The following TBC1D5 variants were observed in gnomAD, a reference collection of about 807,000 sequenced individuals.
TBC1D5 encodes the protein TBC1 domain family member 5, also known as TBC1 domain family, member 5.
In TBC1D5, 75 loss-of-function variants were observed where a neutral mutation model predicts 100.3. The observed-to-expected ratio is 0.75, with a 90% CI of 0.62 to 0.91. The LOEUF is 0.91. TBC1D5 is among the 40% of genes least tolerant of loss of function. The pLI, the probability that TBC1D5 is intolerant of heterozygous loss-of-function variation, is 0.00. For synonymous variants in TBC1D5, 323 were observed against 325.6 expected, an observed-to-expected ratio of 0.99 and a Z score of 0.09; for missense variants, 910 against 942.4, an observed-to-expected ratio of 0.97 and a Z score of 0.45.
chr3:17,447,157 T>G (rs919408528), intron 3 of TBC1D5, among the ~76,000 whole-genome samples: 1 of 152,124 alleles, frequency 6.6e-6, no homozygotes, highest in Non-Finnish European at 1.5e-5. Context: ...CAAAAGATAT[T>G]CATTCAAGTA....
chr3:17,418,478 C>T (rs2149229005), intron 4 of TBC1D5, among the ~76,000 whole-genome samples: 1 of 152,052 alleles, frequency 6.6e-6, no homozygotes, highest in East Asian at 1.9e-4. Flanking sequence ...CACAGTGGTG[C>T]ACACCTGTAA....
exon 20 of TBC1D5, chr3:17,167,822 A>C: frequency 6.3e-7 from 1 of 1,596,624 alleles, no homozygotes; most frequent in Non-Finnish European, 8.6e-7. Context: ...CACATCTTGA[A>C]TATTTACTGA....
chr3:17,428,415 A>G (rs577827355), intron 4 of TBC1D5, 35 bp downstream of exon 4: 106 of 372,640 alleles, frequency 2.8e-4, no homozygotes, highest in Non-Finnish European at 2.2e-4. Context: ...GTGTGTGTAT[A>G]TATATATATA....
At chr3:17,695,982 C>G (rs908856230) in intron 1 of TBC1D5, among the ~76,000 whole-genome samples, 2 of 152,160 alleles carry the variant, frequency 1.3e-5, no homozygotes, top group Non-Finnish European at 2.9e-5. Context: ...AAATGAACAA[C>G]TTATTCCTGA....
At chr3:17,654,199 T>G (rs960200519) in intron 1 of TBC1D5, among the ~76,000 whole-genome samples, 2 of 152,192 alleles carry the variant, frequency 1.3e-5, no homozygotes, top group Non-Finnish European at 1.5e-5. Context: ...AAATTTACTA[T>G]TAAAATGAGA....
At chr3:17,712,132 C>A (rs2074800276) in intron 1 of TBC1D5, among the ~76,000 whole-genome samples, 1 of 152,060 alleles carries the variant, frequency 6.6e-6, no homozygotes, top group African/African-American at 2.4e-5. Context: ...GAAACTGTCT[C>A]CTTACTCCCT....
intron 2 of TBC1D5, among the ~76,000 whole-genome samples, chr3:17,570,489 T>C (rs1315413116): frequency 6.6e-6 from 1 of 152,012 alleles, no homozygotes; most frequent in Non-Finnish European, 1.5e-5. Flanking sequence ...TCTGAAATTT[T>C]TCAAACTTTC....
chr3:17,357,057 A>C (rs1321312390), intron 13 of TBC1D5, among the ~76,000 whole-genome samples: 3 of 152,184 alleles, frequency 2.0e-5, no homozygotes, highest in Admixed American at 6.5e-5. Context: ...ATGGCTACCA[A>C]ACTTAAAAAA....
At chr3:17,524,852 A>G in intron 2 of TBC1D5, among the ~76,000 whole-genome samples, 1 of 152,048 alleles carries the variant, frequency 6.6e-6, no homozygotes, top group Admixed American at 6.6e-5. Flanking sequence ...TGACAAGACA[A>G]ACTCCATCTC....
At chr3:17,172,884 G>A (rs1461087418) in intron 19 of TBC1D5, among the ~76,000 whole-genome samples, 1 of 152,182 alleles carries the variant, frequency 6.6e-6, no homozygotes, top group Non-Finnish European at 1.5e-5. Flanking sequence ...GGGTGTTAGT[G>A]AGTAGAAAGG....
intron 2 of TBC1D5, among the ~76,000 whole-genome samples, chr3:17,544,150 G>A (rs982185870): frequency 4.6e-5 from 7 of 152,040 alleles, no homozygotes; most frequent in African/African-American, 1.4e-4. Context: ...TTACAGATGT[G>A]GGCCACTGCA....
chr3:17,606,167 C>T (rs2061323750), intron 2 of TBC1D5, among the ~76,000 whole-genome samples: 1 of 152,142 alleles, frequency 6.6e-6, no homozygotes, highest in Admixed American at 6.6e-5. Flanking sequence ...GGGCTGCGTA[C>T]AGTGGCTCAT....
chr3:17,555,751 T>C (rs1402476558), intron 2 of TBC1D5, among the ~76,000 whole-genome samples: 1 of 152,190 alleles, frequency 6.6e-6, no homozygotes, highest in Non-Finnish European at 1.5e-5. Context: ...ATCAGGGTGG[T>C]ATTTGTTATC....
At chr3:17,634,127 T>C (rs1256624056) in intron 1 of TBC1D5, among the ~76,000 whole-genome samples, 1 of 152,108 alleles carries the variant, frequency 6.6e-6, no homozygotes, top group Non-Finnish European at 1.5e-5. Context: ...TTAGTGGGAA[T>C]GTAAATTAGT....
chr3:17,189,558 C>T (rs902840160), intron 18 of TBC1D5, among the ~76,000 whole-genome samples: 21 of 152,188 alleles, frequency 1.4e-4, no homozygotes, highest in African/African-American at 5.1e-4. Context: ...AGACACTGAG[C>T]TTTGCTGTAT....
chr3:17,579,580 T>G (rs891014393), intron 2 of TBC1D5, among the ~76,000 whole-genome samples: 3 of 152,144 alleles, frequency 2.0e-5, no homozygotes, highest in African/African-American at 7.2e-5. Context: ...CACTTCACTA[T>G]TTTTATCACT....
chr3:17,472,883 A>T (rs1244800526), intron 3 of TBC1D5, among the ~76,000 whole-genome samples: 1 of 152,232 alleles, frequency 6.6e-6, no homozygotes, highest in African/African-American at 2.4e-5. Context: ...TTACATTCTA[A>T]ATATTAACAT....
chr3:17,630,041 C>G (rs2063366900), intron 1 of TBC1D5, among the ~76,000 whole-genome samples: 1 of 152,184 alleles, frequency 6.6e-6, no homozygotes, highest in Admixed American at 6.5e-5. Flanking sequence ...TCACCCTATT[C>G]AGCACAATAC....
intron 13 of TBC1D5, among the ~76,000 whole-genome samples, chr3:17,313,414 A>G (rs558702083): frequency 1.3e-5 from 2 of 152,298 alleles, no homozygotes; most frequent in African/African-American, 2.4e-5. Context: ...TTACTTCTAG[A>G]AAGTCTGTAA....
Sources: gnomAD v4.1 joint callset for allele counts (sites outside exome capture counted in the v4.1 genomes callset) on GRCh38, gnomAD v4.1.1 for gene constraint, MANE v1.5 for transcripts, NCBI Gene and HGNC (gene_info 2026-07-23, HGNC 2026-07-21) for gene names.